The following BUD31 variants were observed in gnomAD, a reference collection of about 807,000 sequenced individuals.
BUD31 encodes BUD31 spliceosome associated protein.
A neutral mutation model predicts 17.9 loss-of-function variants in BUD31; 9 were observed. The ratio of observed to expected loss-of-function variants is 0.50; its 90% CI spans 0.30 to 0.88. The LOEUF is 0.88. Among genes scored for constraint, BUD31 ranks in the 40% least tolerant of loss-of-function variants. The pLI is 0.06. For missense variants in BUD31, 148 were observed against 184.5 expected (o/e 0.80, Z 1.15); for synonymous variants, 70 against 64.7 (o/e 1.08, Z -0.39).
intron 3 of BUD31, among the ~76,000 whole-genome samples, chr7:99,415,439 C>T (rs1179941520): frequency 3.9e-5 from 6 of 152,154 alleles, no homozygotes; most frequent in Non-Finnish European, 8.8e-5. Context: ...CAGGATGGAA[C>T]ATGAAGGCGG....
chr7:99,413,303 T>TGA (rs946848496), intron 3 of BUD31, among the ~76,000 whole-genome samples: 2 of 152,150 alleles, frequency 1.3e-5, no homozygotes, highest in East Asian at 1.9e-4. Context: ...TTGTGACTGC[T>TGA]GAGAGAGAGA....
chr7:99,415,560 G>C (rs557532910), intron 3 of BUD31, among the ~76,000 whole-genome samples: 1 of 152,066 alleles, frequency 6.6e-6, no homozygotes, highest in Non-Finnish European at 1.5e-5. Context: ...TGGAGGAGTA[G>C]AGTCTTCTCT....
At chr7:99,409,773 G>C (rs959944999) in intron 1 of BUD31, among the ~76,000 whole-genome samples, 3 of 132,974 alleles carry the variant, frequency 2.3e-5, no homozygotes, top group South Asian at 3.0e-4. Flanking sequence ...TGTGGGCGGG[G>C]GGGGGGTGGG....
chr7:99,414,205 T>C (rs2150924407), intron 3 of BUD31, among the ~76,000 whole-genome samples: 1 of 152,106 alleles, frequency 6.6e-6, no homozygotes, highest in South Asian at 2.1e-4. Context: ...AGTGGTGCGA[T>C]CTTGGCTCAC....
intron 3 of BUD31, among the ~76,000 whole-genome samples, chr7:99,412,180 GT>G (rs1340986701): frequency 6.6e-6 from 1 of 152,198 alleles, no homozygotes; most frequent in African/African-American, 2.4e-5. Flanking sequence ...CTCAGTACTT[GT>G]TTTGCAGTTT....
intron 3 of BUD31, among the ~76,000 whole-genome samples, chr7:99,414,554 G>C (rs1316826621): frequency 6.6e-6 from 1 of 152,080 alleles, no homozygotes; most frequent in Non-Finnish European, 1.5e-5. Flanking sequence ...GATGTTTCAA[G>C]GTTCATCTGT....
intron 3 of BUD31, among the ~76,000 whole-genome samples, chr7:99,413,579 G>GC: frequency 6.6e-6 from 1 of 152,098 alleles, no homozygotes; most frequent in Middle Eastern, 3.4e-3. Flanking sequence ...TGGTTTTTTG[G>GC]CTTTTTTTTG....
At chr7:99,417,938 C>T (rs2150938683) in intron 5 of BUD31, 1 of 1,254,918 alleles carries the variant, frequency 8.0e-7, no homozygotes, top group Non-Finnish European at 1.0e-6. Flanking sequence ...CCTTTCAGTC[C>T]TCACAGTGAT....
intron 3 of BUD31, among the ~76,000 whole-genome samples, chr7:99,413,227 T>G (rs1795258803): frequency 6.6e-6 from 1 of 152,144 alleles, no homozygotes; most frequent in Admixed American, 6.6e-5. Context: ...AGGGATAGTC[T>G]TCTTGACCAC....
rs865774528 is a variant in BUD31, at chr7:99,417,570, G to A, written c.359G>A (p.Arg120His). The A allele has an allele frequency of 3.1e-6, 5 of 1,612,718 alleles. No individual in the cohort carries two copies. Among genetic ancestry groups the A allele is most frequent in the Non-Finnish European group, 3.4e-6 (4 of 1,179,784 alleles). ...DTNFGTNCIC[R>H]VPKSKLEVGR... ...AACTTCGGGACGAACTGCATCTGCC[G>A]CGTGCCCAAAAGCAAGCTGGAAGTG... is the stretch of plus-strand genomic sequence containing the variant. Residue 120 changes from arginine to histidine, a missense_variant, in exon 5 of 6, where the codon CGC (arginine) becomes CAC (histidine). Transcript: ENST00000222969.
intron 3 of BUD31, among the ~76,000 whole-genome samples, chr7:99,414,541 T>C (rs923876297): frequency 7.2e-5 from 11 of 152,188 alleles, no homozygotes; most frequent in African/African-American, 2.2e-4. Flanking sequence ...CCACAGTTAG[T>C]TTGATGTTTC....
rs754897082 is a variant in BUD31 at position 99,416,272 on chromosome 7, GTC to G, written c.217+18_217+19del. 7 of 1,612,494 alleles carry G rather than the reference GTC, an allele frequency of 4.3e-6. No individual in the cohort carries two copies. Among genetic ancestry groups the G allele is most frequent in the South Asian group, 3.3e-5 (3 of 91,030 alleles). Reference sequence around the variant, plus strand: ...AGCCATCAGCAGAGGTAATTAGTCAGTCTCTCTTGGACTTTGAAGCTCGCGTC... The same window carrying G: ...AGCCATCAGCAGAGGTAATTAGTCAGTCTCTTGGACTTTGAAGCTCGCGTC... On this transcript the variant is annotated intron_variant, in intron 4 of 5. Coordinates refer to ENST00000222969, the MANE Select transcript of BUD31 (RefSeq NM_003910.4).
At chr7:99,415,823 G>A (rs1189792907) in intron 3 of BUD31, among the ~76,000 whole-genome samples, 1 of 152,002 alleles carries the variant, frequency 6.6e-6, no homozygotes, top group Non-Finnish European at 1.5e-5. Context: ...GTGTTTCCTA[G>A]GTTATGATTG....
intron 5 of BUD31, chr7:99,417,912 C>T (rs891432299): frequency 4.6e-6 from 6 of 1,304,710 alleles, no homozygotes; most frequent in East Asian, 3.7e-5. Context: ...GGAAGGACAA[C>T]CAGTGAGTTC....
intron 2 of BUD31, among the ~76,000 whole-genome samples, chr7:99,410,400 T>TTTTGTTTTG (rs1795132042): frequency 6.6e-6 from 1 of 151,262 alleles, no homozygotes; most frequent in Admixed American, 6.6e-5. Context: ...TTTGATTTTT[T>TTTTGTTTTG]TTTTTTTTTG....
chr7:99,413,603 G>T (rs941518276), intron 3 of BUD31, among the ~76,000 whole-genome samples: 20 of 150,930 alleles, frequency 1.3e-4, no homozygotes, highest in African/African-American at 4.6e-4. Context: ...GTTTTGTTTT[G>T]TTTTTTTTTG....
chr7:99,415,695 C>T (rs544603684), intron 3 of BUD31, among the ~76,000 whole-genome samples: 76 of 152,284 alleles, frequency 5.0e-4, no homozygotes, highest in Admixed American at 1.4e-3. Context: ...CAGATGCTGG[C>T]GTTACCGCTA....
chr7:99,416,649 C>T (rs1433808051), intron 4 of BUD31: 1 of 160,200 alleles, frequency 6.2e-6, no homozygotes, highest in African/African-American at 2.4e-5. Context: ...GAACTCCTGA[C>T]CTCAGGTGAT....
chr7:99,417,025 GT>G (rs1044686263), intron 4 of BUD31: 5 of 154,832 alleles, frequency 3.2e-5, no homozygotes, highest in African/African-American at 1.0e-4. Flanking sequence ...TTTTTTTTTT[GT>G]TCCTCCTCCA....
Sources: allele counts gnomAD v4.1 joint callset (sites outside exome capture counted in the v4.1 genomes callset), GRCh38; gene constraint gnomAD v4.1.1; transcripts MANE v1.5; gene names NCBI Gene and HGNC (gene_info 2026-07-23, HGNC 2026-07-21).